Variants in SF3A3 observed in about 807,000 individuals in gnomAD.
SF3A3 encodes the protein SAP 61.
Under a neutral mutation model 85.8 loss-of-function variants are expected in SF3A3, and 9 were observed. The observed-to-expected ratio is 0.10, with a 90% CI of 0.06 to 0.18. The LOEUF (loss-of-function observed/expected upper bound fraction) is 0.18, where lower values mean the gene tolerates loss of function less well. Among genes scored for constraint, SF3A3 ranks in the 10% least tolerant of loss-of-function variants. The pLI is 1.00. For missense variants in SF3A3, 306 were observed against 593.3 expected, an observed-to-expected ratio of 0.52 and a Z score of 5.03; for synonymous variants, 195 against 204.4, an observed-to-expected ratio of 0.95 and a Z score of 0.39.
intron 16 of SF3A3, among the ~76,000 whole-genome samples, chr1:37,959,080 C>CT (rs369121020): frequency 0.037 from 5,237 of 143,174 alleles, 136 homozygotes; most frequent in Middle Eastern, 0.066. Flanking sequence ...ACTTTTTTTT[C>CT]TTTTTTTTTT....
At chr1:37,965,156 C>CA (rs921477286) in intron 15 of SF3A3, among the ~76,000 whole-genome samples, 24 of 147,564 alleles carry the variant, frequency 1.6e-4, no homozygotes, top group East Asian at 8.0e-4. Flanking sequence ...GACTCTGTCT[C>CA]AAAAAAAAAT....
At chr1:37,963,788 C>T (rs6680299) in intron 15 of SF3A3, among the ~76,000 whole-genome samples, 4,104 of 146,172 alleles carry the variant, frequency 0.028, 163 homozygotes, top group African/African-American at 0.088. Flanking sequence ...GATCTCCTGA[C>T]CTTGTTATCT....
At chr1:37,972,494 A>G (rs891275901) in intron 12 of SF3A3, among the ~76,000 whole-genome samples, 1 of 152,192 alleles carries the variant, frequency 6.6e-6, no homozygotes, top group Non-Finnish European at 1.5e-5. Context: ...CAAGCTTACC[A>G]ATTTCTTCAC....
rs1475746388 is a variant in SF3A3 at position 37,976,886 on chromosome 1, C to T, written c.1003G>A (p.Gly335Arg). The change falls in exon 12 of 17, where the codon GGG (glycine) becomes AGG (arginine). Residue 335 changes from glycine (G) to arginine (R), a missense_variant and splice_region_variant. By Grantham distance (125) the Gly-to-Arg change is moderately radical. This residue lies in a region of SF3A3 where 136 missense variants were observed against 296.6 expected (regional missense o/e 0.46). Transcript: ENST00000373019. ...ACTTTCAGCAGTCAGTCACTTACCC[C>T]GAGAATCTCTACATATTCATAGATC... ...AQIYEYVEIL[G>R]EQRHLTHENV... The T allele has an allele frequency of 3.8e-6, 6 of 1,585,614 alleles. No homozygotes were observed. Among genetic ancestry groups the T allele is most frequent in the African/African-American group, 2.7e-5 (2 of 74,256 alleles).
intron 15 of SF3A3, among the ~76,000 whole-genome samples, chr1:37,963,873 A>T (rs1331853148): frequency 4.8e-4 from 1 of 2,076 alleles, no homozygotes; most frequent in African/African-American, 5.5e-3. Context: ...TGATATTCTT[A>T]AAAAAAAAAA....
intron 9 of SF3A3, 99 bp from the exon 10 acceptor site, chr1:37,979,154 AC>A: frequency 1.1e-6 from 1 of 934,798 alleles, no homozygotes; most frequent in Non-Finnish European, 1.7e-6. Context: ...CTGTGGCAGG[AC>A]CACACATTTC....
At chr1:37,985,251 T>C (rs1041460963) in intron 4 of SF3A3, among the ~76,000 whole-genome samples, 3 of 152,260 alleles carry the variant, frequency 2.0e-5, no homozygotes, top group Non-Finnish European at 4.4e-5. Context: ...TCCCCGCTTT[T>C]TTGTACTGTT....
At chr1:37,966,172 C>T (rs1000238447) in intron 15 of SF3A3, among the ~76,000 whole-genome samples, 1 of 151,738 alleles carries the variant, frequency 6.6e-6, no homozygotes, top group Non-Finnish European at 1.5e-5. Context: ...TACTGCACTC[C>T]AGCTTGGGTG....
chr1:37,978,680 T>C (rs1646396255), intron 11 of SF3A3, 40 bp downstream of exon 11: 8 of 1,336,232 alleles, frequency 6.0e-6, no homozygotes, highest in Non-Finnish European at 8.3e-6. Context: ...GGGAATAACA[T>C]TTAAAAGCCA....
In SF3A3 at chr1:37,970,260, C is replaced by T. The variant is rs549873553; in HGVS notation, c.1006-525G>A. Among the ~76,000 whole-genome samples the T allele has an allele frequency of 2.1e-4, 32 of 151,224 alleles. 1 individual carries two copies. In the South Asian group the frequency reaches 6.1e-3, roughly 29 times the overall value. ...TTTGAGGATGCAGTGAGCTCTGATCCCGCCACTGCACTCCAGCCTGGGCGA... is the reference window on the plus strand; with the variant it reads ...TTTGAGGATGCAGTGAGCTCTGATCTCGCCACTGCACTCCAGCCTGGGCGA... On this transcript the variant is annotated intron_variant, in intron 12 of 16. Transcript: ENST00000373019.
At chr1:37,989,356 G>C (rs1646478402) in intron 2 of SF3A3, among the ~76,000 whole-genome samples, 192 bp downstream of exon 2, 1 of 152,062 alleles carries the variant, frequency 6.6e-6, no homozygotes, top group Admixed American at 6.5e-5. Context: ...ATGCCCAAGA[G>C]TTCCCCATTC....
intron 11 of SF3A3, 127 bp from the exon 12 acceptor site, chr1:37,977,080 G>A: frequency 1.4e-6 from 1 of 695,174 alleles, no homozygotes. Context: ...ACGATGCTAT[G>A]AAAGCAAATG....
chr1:37,963,402 A>C (rs771860181), intron 15 of SF3A3, among the ~76,000 whole-genome samples: 4 of 152,098 alleles, frequency 2.6e-5, no homozygotes. Context: ...GGTGAACCTA[A>C]AAAGTTCAAG....
intron 8 of SF3A3, among the ~76,000 whole-genome samples, 156 bp downstream of exon 8, chr1:37,980,430 A>C (rs1032811877): frequency 3.9e-5 from 6 of 152,156 alleles, no homozygotes; most frequent in African/African-American, 1.2e-4. Context: ...GTCTCCAAAA[A>C]AAAAAAACAT....
rs768495045 is a variant in SF3A3 at position 37,989,989 on chromosome 1, A to C, written c.-24T>G. ...ATCTTCCCTTAGTCGCGGCTTCTCA[A>C]TTCAGACCACCAACACGGCCGGAAG... is the stretch of plus-strand genomic sequence containing the variant. On this transcript the variant is annotated 5_prime_UTR_variant, in exon 1 of 17. Transcript: ENST00000373019. 4 of 1,569,048 alleles carry C rather than the reference A, an allele frequency of 2.5e-6. No homozygotes were observed.
At chr1:37,982,939 A>AT (rs1557754718) in intron 6 of SF3A3, among the ~76,000 whole-genome samples, 1,881 of 148,310 alleles carry the variant, frequency 0.013, 30 homozygotes, top group African/African-American at 0.044. Context: ...TACAAAAAAA[A>AT]ATTTTTTTTT....
chr1:37,985,517 G>A (rs905769971), intron 4 of SF3A3, among the ~76,000 whole-genome samples: 5 of 152,234 alleles, frequency 3.3e-5, no homozygotes, highest in South Asian at 2.1e-4. Context: ...CACAAAGTTT[G>A]GAAAACAGTG....
chr1:37,978,888 T>C (rs1646397876), intron 10 of SF3A3, 61 bp from the exon 11 acceptor site: 4 of 1,564,042 alleles, frequency 2.6e-6, no homozygotes, highest in Middle Eastern at 1.7e-4. Context: ...TGGCTTATTT[T>C]TGCAGTGTGG....
intron 6 of SF3A3, among the ~76,000 whole-genome samples, chr1:37,983,946 A>G (rs1477329734): frequency 6.6e-6 from 1 of 152,206 alleles, no homozygotes; most frequent in Non-Finnish European, 1.5e-5. Flanking sequence ...CAAAATAAAA[A>G]AAAAAGTATT....
Sources: gnomAD v4.1 joint callset for allele counts (sites outside exome capture counted in the v4.1 genomes callset) on GRCh38, gnomAD v4.1.1 for gene constraint, gnomAD v4.1.1 regional missense constraint, MANE v1.5 for transcripts, NCBI Gene and HGNC (gene_info 2026-07-23, HGNC 2026-07-21) for gene names.